The following MCC variants were observed in gnomAD, a reference collection of about 807,000 sequenced individuals.
MCC encodes MCC regulator of Wnt signaling pathway, also known as colorectal mutant cancer protein.
MCC carries 90 observed loss-of-function variants against 116.2 expected under a neutral mutation model. The observed-to-expected ratio is 0.77, with a 90% CI of 0.65 to 0.92. MCC has a LOEUF of 0.92. MCC is among the 40% of genes least tolerant of loss of function. The pLI, the probability that MCC is intolerant of heterozygous loss-of-function variation, is 0.00. For synonymous variants in MCC, 578 were observed against 510.5 expected, an observed-to-expected ratio of 1.13 and a Z score of -1.78; for missense variants, 1,516 against 1,312.2, an observed-to-expected ratio of 1.16 and a Z score of -2.40.
chr5:113,248,168 TAC>T (rs1764646122), intron 3 of MCC, among the ~76,000 whole-genome samples: 1 of 151,406 alleles, frequency 6.6e-6, no homozygotes, highest in Non-Finnish European at 1.5e-5. Flanking sequence ...AGTTCCAGGT[TAC>T]AGTGAGCTAT....
At chr5:113,416,266 T>C (rs1316368614) in intron 1 of MCC, among the ~76,000 whole-genome samples, 8 of 152,192 alleles carry the variant, frequency 5.3e-5, no homozygotes, top group Admixed American at 5.2e-4. Context: ...TTAAACAATG[T>C]TGGAGAGCTG....
chr5:113,194,072 T>G (rs187710899), intron 3 of MCC, among the ~76,000 whole-genome samples: 19 of 152,280 alleles, frequency 1.2e-4, no homozygotes, highest in African/African-American at 4.3e-4. Flanking sequence ...TGGGAAAAAT[T>G]ACGCAGGCTC....
intron 1 of MCC, among the ~76,000 whole-genome samples, chr5:113,475,401 G>A (rs1252991040): frequency 1.3e-5 from 2 of 152,260 alleles, no homozygotes; most frequent in South Asian, 2.1e-4. Context: ...TTAGGTGACA[G>A]GGATCCAAAT....
At chr5:113,168,734 T>C (rs1248859050) in intron 3 of MCC, among the ~76,000 whole-genome samples, 1 of 152,006 alleles carries the variant, frequency 6.6e-6, no homozygotes, top group Admixed American at 6.6e-5. Context: ...TAAGCCCTCC[T>C]AGTGGGTGGT....
intron 1 of MCC, chr5:113,433,414 C>A: frequency 1.7e-6 from 1 of 575,104 alleles, no homozygotes. Context: ...TGCTGCTCTT[C>A]CTGCTCTTGC....
At chr5:113,359,126 G>A (rs536180847) in intron 2 of MCC, among the ~76,000 whole-genome samples, 174 of 152,238 alleles carry the variant, frequency 1.1e-3, no homozygotes, top group African/African-American at 4.0e-3. Context: ...TTCAGGAAGT[G>A]AGCTTATTAG....
chr5:113,060,394 C>G (rs1318058885), intron 14 of MCC, among the ~76,000 whole-genome samples: 1 of 152,154 alleles, frequency 6.6e-6, no homozygotes, highest in East Asian at 1.9e-4. Context: ...ACCTCATGAT[C>G]TGCCCGCCTC....
chr5:113,272,305 G>A (rs1765645233), intron 3 of MCC, among the ~76,000 whole-genome samples: 1 of 152,156 alleles, frequency 6.6e-6, no homozygotes, highest in Admixed American at 6.5e-5. Flanking sequence ...TAGTGGAATG[G>A]CCGTATTTGT....
chr5:113,350,904 G>A (rs1344099029), intron 2 of MCC, among the ~76,000 whole-genome samples: 1 of 151,992 alleles, frequency 6.6e-6, no homozygotes, highest in Non-Finnish European at 1.5e-5. Flanking sequence ...CTTAAAAGAA[G>A]ACATAAATAG....
intron 2 of MCC, among the ~76,000 whole-genome samples, chr5:113,353,975 T>C (rs780567448): frequency 2.0e-5 from 3 of 151,970 alleles, no homozygotes; most frequent in Non-Finnish European, 4.4e-5. Flanking sequence ...CCACTGAGAG[T>C]CAATATCAGC....
chr5:113,279,033 G>A (rs1765934872), intron 3 of MCC, among the ~76,000 whole-genome samples: 1 of 152,176 alleles, frequency 6.6e-6, no homozygotes, highest in South Asian at 2.1e-4. Flanking sequence ...AGAATATAAA[G>A]GGAAAAGCCC....
intron 8 of MCC, among the ~76,000 whole-genome samples, chr5:113,092,270 G>C (rs1755697709): frequency 6.6e-6 from 1 of 152,154 alleles, no homozygotes; most frequent in African/African-American, 2.4e-5. Flanking sequence ...GAGTGCCAGA[G>C]TTAGAGCTCT....
intron 3 of MCC, among the ~76,000 whole-genome samples, chr5:113,196,238 T>A (rs372756810): frequency 6.6e-6 from 1 of 152,184 alleles, no homozygotes; most frequent in Non-Finnish European, 1.5e-5. Context: ...TTTAGAAGCA[T>A]TGCTGGATGG....
chr5:113,435,027 G>T, intron 1 of MCC: 1 of 657,988 alleles, frequency 1.5e-6, no homozygotes, highest in Non-Finnish European at 2.5e-6. Flanking sequence ...ACTTCAGCGA[G>T]TGAAGTCACA....
intron 3 of MCC, among the ~76,000 whole-genome samples, chr5:113,326,510 T>G (rs924623214): frequency 3.5e-4 from 53 of 152,190 alleles, no homozygotes; most frequent in African/African-American, 1.3e-3. Context: ...AGGCCTAAGC[T>G]AGTTCCCTTT....
chr5:113,271,971 C>A (rs145569182), intron 3 of MCC, among the ~76,000 whole-genome samples: 1 of 152,224 alleles, frequency 6.6e-6, no homozygotes, highest in East Asian at 1.9e-4. Flanking sequence ...AGACAGTTGA[C>A]CATCCTTAAC....
At chr5:113,067,842 T>C (rs1363415805) in intron 13 of MCC, among the ~76,000 whole-genome samples, 1 of 152,260 alleles carries the variant, frequency 6.6e-6, no homozygotes, top group Non-Finnish European at 1.5e-5. Flanking sequence ...CCCAGGAGAA[T>C]GCAGCTCCTA....
intron 1 of MCC, among the ~76,000 whole-genome samples, chr5:113,388,213 C>G (rs933768472): frequency 6.6e-6 from 1 of 152,028 alleles, no homozygotes; most frequent in Non-Finnish European, 1.5e-5. Context: ...AAGATCAAAG[C>G]CAAAATACAT....
intron 3 of MCC, among the ~76,000 whole-genome samples, chr5:113,212,680 C>T (rs1763175847): frequency 6.6e-6 from 1 of 152,162 alleles, no homozygotes; most frequent in Non-Finnish European, 1.5e-5. Flanking sequence ...CCTCTTAAGC[C>T]AAAGAAATGA....
Sources: gnomAD v4.1 joint callset for allele counts (sites outside exome capture counted in the v4.1 genomes callset) on GRCh38, gnomAD v4.1.1 for gene constraint, MANE v1.5 for transcripts, NCBI Gene and HGNC (gene_info 2026-07-23, HGNC 2026-07-21) for gene names.